The following RCBTB2 variants were observed in gnomAD, a reference collection of about 807,000 sequenced individuals.
RCBTB2 encodes the protein RCC1 and BTB domain-containing protein 2.
A neutral mutation model predicts 65.4 loss-of-function variants in RCBTB2; 55 were observed. That is an observed-to-expected ratio of 0.84 (90% confidence interval 0.68 to 1.05). RCBTB2 has a LOEUF of 1.05. RCBTB2 is among the 50% of genes least tolerant of loss of function. RCBTB2 has a pLI of 0.00. For missense variants in RCBTB2, 599 were observed against 680.1 expected (o/e 0.88, Z 1.33); for synonymous variants, 220 against 255.2 (o/e 0.86, Z 1.31).
Position 48,515,727 on chromosome 13 carries a change from A to C in RCBTB2, c.57T>G (p.Thr19=). The C allele has an allele frequency of 1.2e-6, 2 of 1,609,078 alleles. No individual in the cohort carries two copies. Among genetic ancestry groups the C allele is most frequent in the East Asian group, 4.5e-5 (2 of 44,870 alleles). Reference sequence around the variant, plus strand: ...CATCTAACATCTTCAAAGATGACAGAGTAGCCTGTACTGGCTGAAAAGGAA... The same window carrying C: ...CATCTAACATCTTCAAAGATGACAGCGTAGCCTGTACTGGCTGAAAAGGAA... The part of the protein sequence containing the change: ...SGDSGKPVQA[T]LSSLKMLDVG... The change falls in exon 5 of 15, where the codon ACT becomes ACG. Residue 19 remains threonine (T), a synonymous_variant. Coordinates refer to ENST00000344532, the MANE Select transcript of RCBTB2 (RefSeq NM_001268.4).
In RCBTB2 at chr13:48,511,766, G is replaced by T. The variant is rs772720094; in HGVS notation, c.783+4C>A. 27 of 1,612,164 alleles carry T rather than the reference G, an allele frequency of 1.7e-5. No homozygotes were observed. The highest frequency in any genetic ancestry group is 1.5e-4 in the African/African-American group (11 of 74,818). On this transcript the variant is annotated splice_donor_region_variant and intron_variant, in intron 9 of 14. Coordinates refer to ENST00000344532, the MANE Select transcript of RCBTB2 (RefSeq NM_001268.4). ...ACACGCACACAAACTGACAGTGGAC[G>T]TACCCTCTGGACACGGATGCCTTGC...
At chr13:48,527,361 T>TATATTATATA in intron 1 of RCBTB2, among the ~76,000 whole-genome samples, 1 of 112,446 alleles carries the variant, frequency 8.9e-6, no homozygotes, top group African/African-American at 5.5e-5. Flanking sequence ...TGATATATAT[T>TATATTATATA]TATATATGAT....
At chr13:48,500,977 A>G (rs9332048) in intron 12 of RCBTB2, among the ~76,000 whole-genome samples, 1,773 of 152,350 alleles carry the variant, frequency 0.012, 36 homozygotes, top group Middle Eastern at 0.037. Flanking sequence ...CTGTTACACA[A>G]CAACATAATG....
At chr13:48,492,949 C>A (rs904785972) in intron 14 of RCBTB2, among the ~76,000 whole-genome samples, 1 of 152,112 alleles carries the variant, frequency 6.6e-6, no homozygotes, top group African/African-American at 2.4e-5. Context: ...ACATACTTCT[C>A]ATATTCAAAA....
Position 48,512,153 on chromosome 13 carries a change from T to G in RCBTB2, c.538A>C (p.Asn180His), listed in dbSNP as rs755664791. The G allele has an allele frequency of 6.2e-7, 1 of 1,613,770 alleles. No individual in the cohort carries two copies. Among genetic ancestry groups the G allele is most frequent in the Non-Finnish European group, 8.5e-7 (1 of 1,179,734 alleles). ...GATCCAGATCCTACCTGCCCAGAGT[T>G]ATTATAACCCCAGGCAAATACCTGT... ...DGEVFAWGYN[N>H]SGQVGSGSTV... The change falls in exon 8 of 15, where the codon AAC (asparagine) becomes CAC (histidine). Residue 180 changes from asparagine to histidine, a missense_variant. By Grantham distance (68) the Asn-to-His change is moderately conservative (BLOSUM62 1). Coordinates refer to ENST00000344532, the MANE Select transcript of RCBTB2 (RefSeq NM_001268.4).
intron 10 of RCBTB2, among the ~76,000 whole-genome samples, chr13:48,505,703 G>A (rs531712814): frequency 3.3e-5 from 5 of 152,138 alleles, no homozygotes; most frequent in Non-Finnish European, 5.9e-5. Flanking sequence ...CAGAGTCAGA[G>A]TGTAGTTCTA....
At chr13:48,524,168 C>T (rs1033008719) in intron 2 of RCBTB2, among the ~76,000 whole-genome samples, 23 of 151,786 alleles carry the variant, frequency 1.5e-4, no homozygotes, top group African/African-American at 5.6e-4. Flanking sequence ...AACTATCATC[C>T]CCAATTTGCA....
At chr13:48,507,417 C>T (rs1231296139) in intron 10 of RCBTB2, among the ~76,000 whole-genome samples, 1 of 152,196 alleles carries the variant, frequency 6.6e-6, no homozygotes, top group African/African-American at 2.4e-5. Context: ...CTGAGCTAAC[C>T]TTTACTGTCA....
chr13:48,524,012 G>C (rs1009897315), intron 2 of RCBTB2, among the ~76,000 whole-genome samples: 2 of 152,052 alleles, frequency 1.3e-5, no homozygotes, highest in African/African-American at 4.8e-5. Context: ...TTGTCAATCA[G>C]AAAGTCCTTC....
chr13:48,525,795 A>G (rs1169058805), intron 1 of RCBTB2, among the ~76,000 whole-genome samples: 1 of 152,286 alleles, frequency 6.6e-6, no homozygotes, highest in East Asian at 1.9e-4. Flanking sequence ...CTACAAAACA[A>G]TGTTCACCAA....
At chr13:48,499,111 A>ACACACACACACACACAC (rs1950107608) in intron 13 of RCBTB2, among the ~76,000 whole-genome samples, 6 of 105,858 alleles carry the variant, frequency 5.7e-5, no homozygotes, top group African/African-American at 2.2e-4. Context: ...CCCCCACCCC[A>ACACACACACACACACAC]ACACACACAC....
At chr13:48,493,315 A>ACTCTCTCCCTCTCTCT (rs1555297880) in intron 14 of RCBTB2, among the ~76,000 whole-genome samples, 25 of 75,082 alleles carry the variant, frequency 3.3e-4, no homozygotes, top group African/African-American at 1.5e-3. Flanking sequence ...ACACACACAC[A>ACTCTCTCCCTCTCTCT]CTCTCTCTCT....
In RCBTB2 at chr13:48,502,806, C is replaced by T. The variant is rs200274959; in HGVS notation, c.1035G>A (p.Pro345=). The T allele has an allele frequency of 6.8e-6, 11 of 1,614,180 alleles. No homozygotes were observed. The highest frequency in any genetic ancestry group is 1.6e-4 in the Middle Eastern group (1 of 6,062). The change falls in exon 11 of 15, where the codon CCG becomes CCA. Residue 345 remains proline (P), a synonymous_variant. Coordinates refer to ENST00000344532, the MANE Select transcript of RCBTB2 (RefSeq NM_001268.4). ...CAGTGCAGGAGAAGTGGGTGAGGTG[C>T]GGGAGGATCACGGACTGACCCCGGC... ...GQCRGQSVIL[P]HLTHFSCTDD...
chr13:48,515,063 G>T, intron 6 of RCBTB2, 142 bp downstream of exon 6: 1 of 738,820 alleles, frequency 1.4e-6, no homozygotes, highest in East Asian at 2.6e-5. Flanking sequence ...CCTTATGCTG[G>T]CATTCAGATA....
At chr13:48,530,903 A>G (rs921982185) in intron 1 of RCBTB2, among the ~76,000 whole-genome samples, 1 of 152,222 alleles carries the variant, frequency 6.6e-6, no homozygotes, top group Non-Finnish European at 1.5e-5. Context: ...CATAAAAGAC[A>G]TTGTAGAGCA....
intron 11 of RCBTB2, 38 bp from the exon 12 acceptor site, chr13:48,501,906 A>C: frequency 6.2e-7 from 1 of 1,602,220 alleles, no homozygotes; most frequent in East Asian, 2.2e-5. Flanking sequence ...AGTTAGCTAC[A>C]GACATAATGA....
At chr13:48,511,622 AG>A in intron 9 of RCBTB2, 147 bp downstream of exon 9, 1 of 667,340 alleles carries the variant, frequency 1.5e-6, no homozygotes, top group South Asian at 2.1e-5. Flanking sequence ...ATTTAATTCA[AG>A]GAAAAAGAGA....
intron 1 of RCBTB2, chr13:48,532,104 C>T (rs780534515): frequency 6.6e-6 from 1 of 152,214 alleles, no homozygotes; most frequent in Non-Finnish European, 1.5e-5. Flanking sequence ...TTGTTATAGT[C>T]CTGGTCTCGA....
intron 14 of RCBTB2, among the ~76,000 whole-genome samples, chr13:48,493,313 A>ACTCTCTCTCTCTCTCTCT (rs1213235186): frequency 3.3e-4 from 20 of 60,138 alleles, no homozygotes; most frequent in South Asian, 6.5e-4. Context: ...ACACACACAC[A>ACTCTCTCTCTCTCTCTCT]CACTCTCTCT....
Sources: allele counts gnomAD v4.1 joint callset (sites outside exome capture counted in the v4.1 genomes callset), GRCh38; gene constraint gnomAD v4.1.1; transcripts MANE v1.5; gene names NCBI Gene and HGNC (gene_info 2026-07-23, HGNC 2026-07-21).